The following WASHC5 variants were observed in gnomAD, a reference collection of about 807,000 sequenced individuals.
WASHC5 encodes WASH complex subunit 5.
A neutral mutation model predicts 150.4 loss-of-function variants in WASHC5; 101 were observed. The ratio of observed to expected loss-of-function variants is 0.67; its 90% CI spans 0.57 to 0.79. The LOEUF (loss-of-function observed/expected upper bound fraction) is 0.79, where lower values mean the gene tolerates loss of function less well. Ranked by LOEUF, WASHC5 falls within the 30% of genes least tolerant of loss-of-function variation. WASHC5 has a pLI of 0.00. For missense variants in WASHC5, 1,195 were observed against 1,396.3 expected (o/e 0.86, Z 2.30); for synonymous variants, 467 against 491.2 (o/e 0.95, Z 0.65).
chr8:125,030,378 T>C (rs2129955056), intron 27 of WASHC5, among the ~76,000 whole-genome samples: 1 of 152,282 alleles, frequency 6.6e-6, no homozygotes, highest in East Asian at 1.9e-4. Context: ...TATTTTTCAA[T>C]TGTTAAAAAA....
At position 125,059,469 on chromosome 8, in the gene WASHC5, T is replaced by C. The variant is rs1307768088; in HGVS notation, c.1595A>G (p.His532Arg). The change falls in exon 13 of 29, where the codon CAT (histidine) becomes CGT (arginine). Residue 532 changes from histidine (H) to arginine (R), a missense_variant. By Grantham distance (29) the His-to-Arg change is conservative. This residue lies in a region of WASHC5 where 997 missense variants were observed against 1,168.1 expected (regional missense o/e 0.85). Coordinates refer to ENST00000318410, the MANE Select transcript of WASHC5 (RefSeq NM_014846.4). ...AATGTTAATGGTTCTGATCATTTGA[T>C]GAAGAAACTTTCGAGTATCGGCAAG... is the stretch of plus-strand genomic sequence containing the variant. The part of the protein sequence containing the change: ...QFLADTRKFL[H>R]QMIRTINIKE... 1 of 1,613,970 alleles carries C rather than the reference T, an allele frequency of 6.2e-7. No individual in the cohort carries two copies. Among genetic ancestry groups the C allele is most frequent in the Non-Finnish European group, 8.5e-7 (1 of 1,179,956 alleles).
intron 27 of WASHC5, among the ~76,000 whole-genome samples, chr8:125,030,958 G>A (rs1055320100): frequency 6.6e-6 from 1 of 152,156 alleles, no homozygotes; most frequent in East Asian, 1.9e-4. Flanking sequence ...TTGCAAAGGA[G>A]GGAGACTGCA....
At chr8:125,039,752 C>A in intron 24 of WASHC5, 43 bp downstream of exon 24, 2 of 1,347,584 alleles carry the variant, frequency 1.5e-6, no homozygotes, top group Non-Finnish European at 1.1e-6. Context: ...AGATAATAAA[C>A]AATCCAAGCC....
At chr8:125,056,557 G>T in intron 16 of WASHC5, 120 bp downstream of exon 16, 1 of 1,141,314 alleles carries the variant, frequency 8.8e-7, no homozygotes. Context: ...TTGCAAATGT[G>T]AGACAACAAG....
rs1323117198 is a variant in WASHC5, at chr8:125,049,090, A to G, written c.2295T>C (p.Tyr765=). 1.9e-6 allele frequency: 3 copies of G among 1,614,060 alleles called. No individual in the cohort carries two copies. The highest frequency in any genetic ancestry group is 3.3e-5 in the Admixed American group (2 of 60,016). ...FEYIQDYVNI[Y]GLKIWQEEVS... ...CTTCTTCCTGCCAAATCTTCAGACC[A>G]TAAATGTTGACATAGTCCTGTATGT... The change falls in exon 19 of 29, where the codon TAT becomes TAC. Residue 765 remains tyrosine, a synonymous_variant. Transcript: ENST00000318410.
Position 125,038,949 on chromosome 8 carries a change from C to A in WASHC5, c.2965G>T (p.Ala989Ser). Residue 989 changes from alanine to serine, a missense_variant, in exon 25 of 29, where the codon GCA becomes TCA. Around this residue, in one of 3 missense-constraint regions of WASHC5, gnomAD observed 997 missense variants for 1,168.1 expected, o/e 0.85. Transcript: ENST00000318410. Reference sequence around the variant, plus strand: ...TCCTGATAGTGGGCTTCAATGTCTGCTAGGAGAGCCCTAAAGGAAGAAAAA... The same window carrying A: ...TCCTGATAGTGGGCTTCAATGTCTGATAGGAGAGCCCTAAAGGAAGAAAAA... ...ALENLNKALL[A>S]DIEAHYQDPS... 2.5e-6 allele frequency: 4 copies of A among 1,613,762 alleles called. No homozygotes were observed. Among genetic ancestry groups the A allele is most frequent in the Non-Finnish European group, 3.4e-6 (4 of 1,179,744 alleles).
At chr8:125,046,971 T>A (rs1816085876) in intron 20 of WASHC5, among the ~76,000 whole-genome samples, 1 of 152,086 alleles carries the variant, frequency 6.6e-6, no homozygotes, top group African/African-American at 2.4e-5. Flanking sequence ...GGAGCTCAGG[T>A]GGTAATGCTT....
chr8:125,080,768 C>CT (rs1402547753), intron 5 of WASHC5, among the ~76,000 whole-genome samples: 1 of 152,270 alleles, frequency 6.6e-6, no homozygotes, highest in African/African-American at 2.4e-5. Context: ...ACCTTACTTC[C>CT]TGAAGAATCA....
At chr8:125,081,202 A>T (rs6981156) in intron 5 of WASHC5, among the ~76,000 whole-genome samples, 19,088 of 150,118 alleles carry the variant, frequency 0.13, 3,014 homozygotes, top group African/African-American at 0.37. Flanking sequence ...ATTGTTATAT[A>T]CCTACAATAT....
intron 16 of WASHC5, among the ~76,000 whole-genome samples, chr8:125,055,970 T>G (rs1359789270): frequency 1.3e-5 from 2 of 152,216 alleles, no homozygotes; most frequent in Non-Finnish European, 2.9e-5. Flanking sequence ...TAGAAAAGAC[T>G]ATGAGACTGA....
rs772179301 is a variant in WASHC5, at chr8:125,068,920, A to G, written c.1151-1201T>C. Reference sequence around the variant, plus strand: ...AAGTTAAAAGAATAGAATAAAAAATATTGATATTTGCTTAGATTGGTTTAT... The same window carrying G: ...AAGTTAAAAGAATAGAATAAAAAATGTTGATATTTGCTTAGATTGGTTTAT... On this transcript the variant is annotated intron_variant, in intron 9 of 28. Transcript: ENST00000318410. 3.3e-5 allele frequency among the ~76,000 whole-genome samples: 5 copies of G among 152,270 alleles called. No individual in the cohort carries two copies. The East Asian group carries it at 9.6e-4, about 29-fold the overall frequency.
At chr8:125,057,982 G>A (rs1043438735) in intron 14 of WASHC5, among the ~76,000 whole-genome samples, 1 of 151,878 alleles carries the variant, frequency 6.6e-6, no homozygotes, top group South Asian at 2.1e-4. Context: ...AACCAGCCCC[G>A]CAGGTGATTC....
chr8:125,050,611 C>T lies in WASHC5; in HGVS notation c.2152G>A (p.Val718Ile), dbSNP rs145093521. Residue 718 changes from valine (V) to isoleucine (I), a missense_variant, in exon 18 of 29, where the codon GTT becomes ATT. This residue lies in a region of WASHC5 where 997 missense variants were observed against 1,168.1 expected (regional missense o/e 0.85). Coordinates refer to ENST00000318410, the MANE Select transcript of WASHC5 (RefSeq NM_014846.4). The stretch of plus-strand genomic sequence containing the variant: ...AGTCCCCTATGCAGGGCAAAGGCAA[C>T]GCGCTTCACAAGCTCTTTCCTTATT... ...DGIRKELVKRVAFALHRGLIF... is the reference protein window; with the variant it reads ...DGIRKELVKRIAFALHRGLIF... 2.4e-5 allele frequency: 39 copies of T among 1,614,020 alleles called. No individual in the cohort carries two copies. The highest frequency in any genetic ancestry group is 5.0e-5 in the Admixed American group (3 of 59,996).
At chr8:125,086,913 G>C (rs1417634204) in intron 1 of WASHC5, among the ~76,000 whole-genome samples, 1 of 152,206 alleles carries the variant, frequency 6.6e-6, no homozygotes, top group Non-Finnish European at 1.5e-5. Context: ...GACTTGGGTT[G>C]ACCTGGTCCA....
At chr8:125,058,946 T>G (rs1816500231) in intron 14 of WASHC5, among the ~76,000 whole-genome samples, 1 of 152,210 alleles carries the variant, frequency 6.6e-6, no homozygotes, top group African/African-American at 2.4e-5. Flanking sequence ...GACTCACATT[T>G]TTAGTACACA....
At chr8:125,055,191 C>T (rs28465401) in intron 17 of WASHC5, among the ~76,000 whole-genome samples, 16,615 of 152,102 alleles carry the variant, frequency 0.11, 2,121 homozygotes, top group African/African-American at 0.31. Context: ...TGAAAGGCCA[C>T]GACAGATGGA....
At chr8:125,030,180 T>C (rs1004302581) in intron 27 of WASHC5, among the ~76,000 whole-genome samples, 3 of 152,138 alleles carry the variant, frequency 2.0e-5, no homozygotes, top group African/African-American at 4.8e-5. Flanking sequence ...GGAGCTACAA[T>C]TGGGACAGCC....
chr8:125,065,018 C>T (rs982841507), intron 10 of WASHC5, among the ~76,000 whole-genome samples: 8 of 152,324 alleles, frequency 5.3e-5, no homozygotes, highest in Admixed American at 6.5e-5. Flanking sequence ...AACATAAGAG[C>T]ACCCTGAAGC....
At chr8:125,025,411 T>C (rs932252554) in intron 28 of WASHC5, among the ~76,000 whole-genome samples, 64 of 152,142 alleles carry the variant, frequency 4.2e-4, no homozygotes, top group African/African-American at 1.5e-3. Flanking sequence ...AAACCTAGGC[T>C]GGGCGTGGTG....
Sources: allele counts gnomAD v4.1 joint callset (sites outside exome capture counted in the v4.1 genomes callset), GRCh38; gene constraint gnomAD v4.1.1; regional missense constraint gnomAD v4.1.1; transcripts MANE v1.5; gene names NCBI Gene and HGNC (gene_info 2026-07-23, HGNC 2026-07-21).